SPSB1: variants seen among roughly 807,000 people sequenced by gnomAD.
SPSB1 encodes the protein splA/ryanodine receptor domain and SOCS box containing 1.
Under a neutral mutation model 21.2 loss-of-function variants are expected in SPSB1, and 8 were observed. The ratio of observed to expected loss-of-function variants is 0.38; its 90% CI spans 0.22 to 0.68. The LOEUF (loss-of-function observed/expected upper bound fraction) is 0.68. Among genes scored for constraint, SPSB1 ranks in the 30% least tolerant of loss-of-function variants. The pLI is 0.53. For synonymous variants in SPSB1, 169 were observed against 161.7 expected, an observed-to-expected ratio of 1.05 and a Z score of -0.34; for missense variants, 242 against 377.8, an observed-to-expected ratio of 0.64 and a Z score of 2.98.
At chr1:9,355,627 C>G in intron 1 of SPSB1, 116 bp from the exon 2 acceptor site, 1 of 1,155,532 alleles carries the variant, frequency 8.7e-7, no homozygotes, top group Non-Finnish European at 1.1e-6. Flanking sequence ...TCAGGCATGA[C>G]AGAGCCCAGG....
intron 1 of SPSB1, among the ~76,000 whole-genome samples, chr1:9,304,660 C>T (rs962452531): frequency 2.0e-5 from 3 of 151,970 alleles, no homozygotes; most frequent in African/African-American, 7.3e-5. Context: ...TGGGGGTCAT[C>T]GTGAATAATG....
At chr1:9,354,179 T>A (rs1306764363) in intron 1 of SPSB1, among the ~76,000 whole-genome samples, 2 of 152,140 alleles carry the variant, frequency 1.3e-5, no homozygotes, top group Non-Finnish European at 2.9e-5. Flanking sequence ...GCCAGCCCTC[T>A]GAGGTCCCTG....
chr1:9,359,021 T>C (rs1640421746), intron 2 of SPSB1, among the ~76,000 whole-genome samples: 1 of 152,102 alleles, frequency 6.6e-6, no homozygotes, highest in Admixed American at 6.5e-5. Context: ...AGATGTTGGG[T>C]GAGTGGGGAA....
intron 1 of SPSB1, among the ~76,000 whole-genome samples, chr1:9,335,743 G>C (rs914791573): frequency 1.3e-5 from 2 of 152,132 alleles, no homozygotes; most frequent in African/African-American, 4.8e-5. Flanking sequence ...AGAAGGTTGA[G>C]CCTGCAGTGA....
chr1:9,343,589 TTC>T (rs908433188), intron 1 of SPSB1, among the ~76,000 whole-genome samples: 8 of 152,222 alleles, frequency 5.3e-5, no homozygotes, highest in Non-Finnish European at 1.2e-4. Context: ...AGGCAGGGAA[TTC>T]ATAAGCTCAT....
chr1:9,353,931 A>AAT (rs914376550), intron 1 of SPSB1, among the ~76,000 whole-genome samples: 4 of 151,030 alleles, frequency 2.6e-5, no homozygotes, highest in African/African-American at 7.3e-5. Flanking sequence ...AAAAAAAAAA[A>AAT]GGAACCCTGT....
chr1:9,347,724 A>G lies in SPSB1; in HGVS notation c.-149-8019A>G, dbSNP rs664730. Among the ~76,000 whole-genome samples the G allele has an allele frequency of 4.6e-3, 702 of 152,090 alleles. 7 individuals carry two copies. Among genetic ancestry groups the G allele is most frequent in the African/African-American group, 0.016 (657 of 41,466 alleles). The stretch of plus-strand genomic sequence containing the variant: ...GACTCATGCTGTCCCCAGCATCTTC[A>G]TCCTCATGTCCCTGTGGAGGCCTAT... On this transcript the variant is annotated intron_variant, in intron 1 of 2. Transcript: ENST00000328089.
At chr1:9,360,554 G>A (rs1489672220) in intron 2 of SPSB1, among the ~76,000 whole-genome samples, 2 of 152,164 alleles carry the variant, frequency 1.3e-5, no homozygotes, top group Admixed American at 1.3e-4. Context: ...CGAGCTCTGA[G>A]GGGGAGCCCG....
intron 1 of SPSB1, among the ~76,000 whole-genome samples, chr1:9,304,020 T>TGGGCAGGGAGGATCTGCCCTCC (rs1553123641): frequency 6.6e-6 from 1 of 152,194 alleles, no homozygotes; most frequent in African/African-American, 2.4e-5. Flanking sequence ...GTCACTGGAC[T>TGGGCAGGGAGGATCTGCCCTCC]GGGCAGGGAG....
chr1:9,329,420 G>A (rs979056473), intron 1 of SPSB1, among the ~76,000 whole-genome samples: 3 of 152,124 alleles, frequency 2.0e-5, no homozygotes, highest in African/African-American at 4.8e-5. Flanking sequence ...GGTAGGTCAG[G>A]TGAGAGGATC....
At chr1:9,357,067 AAATG>A (rs1640376013) in intron 2 of SPSB1, among the ~76,000 whole-genome samples, 1 of 150,434 alleles carries the variant, frequency 6.6e-6, no homozygotes, top group Admixed American at 6.6e-5. Flanking sequence ...GTGGATGGAT[AAATG>A]AACGGATGGA....
At chr1:9,330,029 T>C (rs1399927975) in intron 1 of SPSB1, among the ~76,000 whole-genome samples, 2 of 152,230 alleles carry the variant, frequency 1.3e-5, no homozygotes, top group Non-Finnish European at 2.9e-5. Flanking sequence ...AAGGGAAACC[T>C]GACCATCTGC....
Position 9,292,908 on chromosome 1 carries a change from C to G in SPSB1, c.-313C>G. 1 of 982,598 alleles carries G rather than the reference C, an allele frequency of 1.0e-6. No individual in the cohort carries two copies. The highest frequency in any genetic ancestry group is 1.2e-6 in the Non-Finnish European group (1 of 829,164). The allele number at this position is 982,598 out of a possible 1,614,324, so 60.9% of individuals were successfully genotyped here. A position where few individuals can be genotyped will look rare whatever the true frequency, so the allele number is the denominator to read the frequency against. On this transcript the variant is annotated 5_prime_UTR_variant, in exon 1 of 3. Coordinates refer to ENST00000328089, the MANE Select transcript of SPSB1 (RefSeq NM_025106.4). The stretch of plus-strand genomic sequence containing the variant: ...TTTTCTCCTCCGCACAGAAGTCGCG[C>G]TCGGGCAGCCTGCGCGCTCGCAGCA...
chr1:9,311,762 C>G (rs549662472), intron 1 of SPSB1, among the ~76,000 whole-genome samples: 2 of 152,100 alleles, frequency 1.3e-5, no homozygotes, highest in South Asian at 4.2e-4. Flanking sequence ...CTTTATCTAC[C>G]ACGTTTTGTG....
intron 2 of SPSB1, among the ~76,000 whole-genome samples, chr1:9,366,602 T>G (rs1640575826): frequency 6.9e-6 from 1 of 145,964 alleles, no homozygotes; most frequent in Non-Finnish European, 1.5e-5. Context: ...TTGGACCGAG[T>G]CTTGCTCTGT....
chr1:9,295,400 G>A (rs866746414), intron 1 of SPSB1, among the ~76,000 whole-genome samples: 1 of 152,186 alleles, frequency 6.6e-6, no homozygotes, highest in Middle Eastern at 3.2e-3. Flanking sequence ...CAAGGCGGGT[G>A]CCATGCCGGC....
chr1:9,361,698 G>A (rs1640483236), intron 2 of SPSB1, among the ~76,000 whole-genome samples: 1 of 152,264 alleles, frequency 6.6e-6, no homozygotes, highest in African/African-American at 2.4e-5. Flanking sequence ...AAGGCTCGAG[G>A]CACAAGGCCT....
intron 1 of SPSB1, among the ~76,000 whole-genome samples, chr1:9,314,949 G>A (rs975072338): frequency 6.6e-6 from 1 of 152,240 alleles, no homozygotes; most frequent in African/African-American, 2.4e-5. Context: ...TTACCTGAGG[G>A]AGTGGAGTCC....
In SPSB1 at chr1:9,299,293, C is replaced by G. The variant is rs565332093; in HGVS notation, c.-150+6222C>G. Among the ~76,000 whole-genome samples the G allele has an allele frequency of 2.0e-5, 3 of 152,334 alleles. No homozygotes were observed. The East Asian group carries it at 5.8e-4, about 29-fold the overall frequency. On this transcript the variant is annotated intron_variant, in intron 1 of 2. Transcript: ENST00000328089. The stretch of plus-strand genomic sequence containing the variant: ...CTGATGGGTATATCAGCTCTCCAGC[C>G]CTATGTCACAGTTTAGTTCACAGTC...
Sources: gnomAD v4.1 joint callset for allele counts (sites outside exome capture counted in the v4.1 genomes callset) on GRCh38, gnomAD v4.1.1 for gene constraint, MANE v1.5 for transcripts, NCBI Gene and HGNC (gene_info 2026-07-23, HGNC 2026-07-21) for gene names.